RALB: variants seen among roughly 807,000 people sequenced by gnomAD.
The protein encoded by RALB is ras-related protein Ral-B.
Under a neutral mutation model 21.3 loss-of-function variants are expected in RALB, and 16 were observed. The observed-to-expected ratio is 0.75, with a 90% CI of 0.51 to 1.14. The LOEUF (loss-of-function observed/expected upper bound fraction) is 1.14, where lower values mean the gene tolerates loss of function less well. RALB is among the 50% of genes most tolerant of loss of function. The pLI is 0.00. For missense variants in RALB, 161 were observed against 256.2 expected (o/e 0.63, Z 2.54); for synonymous variants, 93 against 96.1 (o/e 0.97, Z 0.19).
At position 120,252,999 on chromosome 2, in the gene RALB, C is replaced by T; in HGVS notation, c.-48+19C>T. On this transcript the variant is annotated intron_variant, in intron 1 of 4. Coordinates refer to ENST00000272519, the MANE Select transcript of RALB (RefSeq NM_002881.3). ...GTCCCTGGTAAGGGCGCGGCGCCCG[C>T]GGGCCCCGGGCGGGGTGGGGCGCGG... 3 of 984,440 alleles carry T rather than the reference C, an allele frequency of 3.0e-6. No homozygotes were observed. The highest frequency in any genetic ancestry group is 6.2e-5 in the Admixed American group (1 of 16,214). The allele number at this position is 984,440 out of a possible 1,614,324, so 61.0% of individuals were successfully genotyped here. A position where few individuals can be genotyped will look rare whatever the true frequency, so the allele number is the denominator to read the frequency against.
chr2:120,254,796 G>C (rs1302187342), intron 1 of RALB, among the ~76,000 whole-genome samples: 1 of 152,130 alleles, frequency 6.6e-6, no homozygotes, highest in Non-Finnish European at 1.5e-5. Context: ...TCCCACCTCA[G>C]CCTCCCGAGT....
chr2:120,242,595 G>A lies in RALB; in HGVS notation c.19+2470G>A, dbSNP rs553774192. On this transcript the variant is annotated intron_variant, in intron 1 of 3. Coordinates refer to the RALB transcript ENST00000447591. ...TAAAAATACAAAAACAAAATTAGCC[G>A]GGCGTGGTGGCAGGCGCCTGTTGTC... Among the ~76,000 whole-genome samples, 379 of 152,062 alleles carry A rather than the reference G, an allele frequency of 2.5e-3. 3 individuals are homozygous for A. The Middle Eastern group carries it at 0.037, about 15-fold the overall frequency.
At chr2:120,285,226 C>A (rs1316712394) in intron 2 of RALB, among the ~76,000 whole-genome samples, 1 of 152,156 alleles carries the variant, frequency 6.6e-6, no homozygotes, top group Non-Finnish European at 1.5e-5. Context: ...CCATCAGGTC[C>A]TGTGAGAACG....
chr2:120,265,567 G>A (rs1299334018), intron 1 of RALB, among the ~76,000 whole-genome samples: 3 of 152,100 alleles, frequency 2.0e-5, no homozygotes, highest in Non-Finnish European at 4.4e-5. Context: ...ATAGATCTGT[G>A]TCCTTGAAAT....
At chr2:120,277,710 TGA>T (rs1689854706) in intron 1 of RALB, among the ~76,000 whole-genome samples, 1 of 151,830 alleles carries the variant, frequency 6.6e-6, no homozygotes, top group South Asian at 2.1e-4. Context: ...TGGGTGTGTG[TGA>T]TAGTGCGTGT....
At chr2:120,243,011 AAT>A (rs1229127772) in intron 1 of RALB, among the ~76,000 whole-genome samples, 1 of 152,192 alleles carries the variant, frequency 6.6e-6, no homozygotes. Flanking sequence ...TGTATTATGT[AAT>A]CTTTCCATCA....
In RALB at chr2:120,293,966, C is replaced by T. The variant is rs1387449487; in HGVS notation, c.*706C>T. The T allele has an allele frequency of 5.1e-6, 2 of 395,556 alleles. No homozygotes were observed. Among genetic ancestry groups the T allele is most frequent in the Non-Finnish European group, 8.9e-6 (2 of 224,786 alleles). 24.5% of individuals were successfully genotyped at this position (395,556 alleles called of 1,614,324 possible). On this transcript the variant is annotated 3_prime_UTR_variant, in exon 5 of 5. Transcript: ENST00000272519. ...AAGCATCCTGATTTTTCTGTAGGAACTTTTCTTTGGCAGACCAAGTGAAGA... is the reference window on the plus strand; with the variant it reads ...AAGCATCCTGATTTTTCTGTAGGAATTTTTCTTTGGCAGACCAAGTGAAGA...
chr2:120,264,561 T>C (rs1462395985), intron 1 of RALB, among the ~76,000 whole-genome samples: 1 of 152,204 alleles, frequency 6.6e-6, no homozygotes, highest in Non-Finnish European at 1.5e-5. Context: ...CCCACAACTG[T>C]AGTTGGTATA....
In RALB at chr2:120,263,955, C is replaced by T. The variant is rs914137519; in HGVS notation, c.-48+10975C>T. On this transcript the variant is annotated intron_variant, in intron 1 of 4. Coordinates refer to ENST00000272519, the MANE Select transcript of RALB (RefSeq NM_002881.3). ...CTCTGCCTCCAGGGTTCTAGCGATTCTCCCTGCCTAAGCCTCCCTGGGAGC... is the reference window on the plus strand; with the variant it reads ...CTCTGCCTCCAGGGTTCTAGCGATTTTCCCTGCCTAAGCCTCCCTGGGAGC... Among the ~76,000 whole-genome samples, 157 of 151,912 alleles carry T rather than the reference C, an allele frequency of 1.0e-3. 3 individuals carry two copies. The highest frequency in any genetic ancestry group is 2.5e-4 in the Non-Finnish European group (17 of 68,002).
chr2:120,244,470 C>T (rs916634292), intron 1 of RALB, among the ~76,000 whole-genome samples: 6 of 152,220 alleles, frequency 3.9e-5, no homozygotes, highest in Non-Finnish European at 7.4e-5. Context: ...CGCAGAGCCT[C>T]AGCGGGAGAC....
intron 1 of RALB, chr2:120,253,378 C>T: frequency 1.0e-6 from 1 of 985,446 alleles, no homozygotes; most frequent in South Asian, 4.7e-5. Flanking sequence ...GTTGCAAAAA[C>T]TTAACTGCCC....
At chr2:120,287,744 G>A (rs1463114361) in intron 3 of RALB, among the ~76,000 whole-genome samples, 1 of 152,240 alleles carries the variant, frequency 6.6e-6, no homozygotes, top group Non-Finnish European at 1.5e-5. Flanking sequence ...ATGTGGAAAA[G>A]GGTTTTGGTT....
rs113984481 is a variant in RALB, at chr2:120,285,749, C to G, written c.115-125C>G. 6.9e-6 allele frequency: 5 copies of G among 723,348 alleles called. No homozygotes were observed. The East Asian group carries it at 1.0e-4, about 15-fold the overall frequency. 44.8% of individuals were successfully genotyped at this position (723,348 alleles called of 1,614,324 possible). A position where few individuals can be genotyped will look rare whatever the true frequency, so the allele number is the denominator to read the frequency against. ...AGAGCTATAAAGAACAGAAGTGTTA[C>G]GTAAAATGTTGCTTCTGTAGTGTCC... On this transcript the variant is annotated intron_variant, in intron 2 of 4. Transcript: ENST00000272519.
rs151134817 is a variant in RALB at position 120,288,094 on chromosome 2, C to T, written c.324-1486C>T. On this transcript the variant is annotated intron_variant, in intron 3 of 4. Transcript: ENST00000272519. The stretch of plus-strand genomic sequence containing the variant: ...GAACTTGGTACTCCCATTTTTGGAT[C>T]GATATGTTTATCAATGAGGTAATTT... Among the ~76,000 whole-genome samples the T allele has an allele frequency of 4.6e-5, 7 of 152,174 alleles. No homozygotes were observed. In the South Asian group the frequency reaches 6.2e-4, roughly 14 times the overall value.
chr2:120,259,828 C>T (rs567076003), intron 1 of RALB, among the ~76,000 whole-genome samples: 45 of 152,326 alleles, frequency 3.0e-4, no homozygotes, highest in Non-Finnish European at 5.0e-4. Context: ...AGGCTCGGGC[C>T]GCACAGGAGC....
At chr2:120,288,256 G>A (rs1474702123) in intron 3 of RALB, among the ~76,000 whole-genome samples, 1 of 151,518 alleles carries the variant, frequency 6.6e-6, no homozygotes, top group East Asian at 1.9e-4. Context: ...GCTACACAAA[G>A]CCAATTTCAA....
At chr2:120,280,331 A>G (rs1157821787) in intron 2 of RALB, among the ~76,000 whole-genome samples, 3 of 152,326 alleles carry the variant, frequency 2.0e-5, no homozygotes, top group Admixed American at 6.5e-5. Flanking sequence ...TAGACTGGAT[A>G]AAGAAAATGT....
upstream of RALB, among the ~76,000 whole-genome samples, chr2:120,249,328 C>T (rs1190389973): frequency 3.3e-5 from 5 of 152,226 alleles, no homozygotes; most frequent in East Asian, 3.9e-4. Flanking sequence ...CCACCGCGCC[C>T]GTCCGTGTTA....
intron 1 of RALB, among the ~76,000 whole-genome samples, chr2:120,241,317 T>C (rs1354833033): frequency 6.6e-6 from 1 of 152,122 alleles, no homozygotes; most frequent in East Asian, 1.9e-4. Flanking sequence ...CAGGAGAGAA[T>C]CTAGTTCACA....
Sources: gnomAD v4.1 joint callset for allele counts (sites outside exome capture counted in the v4.1 genomes callset) on GRCh38, gnomAD v4.1.1 for gene constraint, MANE v1.5 for transcripts, NCBI Gene and HGNC (gene_info 2026-07-23, HGNC 2026-07-21) for gene names.